The following SLC44A5 variants were observed in gnomAD, a reference collection of about 807,000 sequenced individuals.
SLC44A5 encodes choline transporter-like protein 5.
A neutral mutation model predicts 101.8 loss-of-function variants in SLC44A5; 57 were observed. The observed-to-expected ratio is 0.56, with a 90% CI of 0.45 to 0.70. SLC44A5 has a LOEUF of 0.70. Ranked by LOEUF, SLC44A5 falls within the 30% of genes least tolerant of loss-of-function variation. The pLI is 0.00. For missense variants in SLC44A5, 737 were observed against 853.1 expected (o/e 0.86, Z 1.70); for synonymous variants, 281 against 290.9 (o/e 0.97, Z 0.35).
At chr1:75,592,060 C>T (rs569554876) in intron 1 of SLC44A5, among the ~76,000 whole-genome samples, 17 of 152,168 alleles carry the variant, frequency 1.1e-4, no homozygotes, top group African/African-American at 4.1e-4. Context: ...ATATAAAGGG[C>T]ATCCAAATTG....
intron 2 of SLC44A5, among the ~76,000 whole-genome samples, chr1:75,494,657 C>A (rs1413339362): frequency 6.6e-6 from 1 of 152,114 alleles, no homozygotes; most frequent in South Asian, 2.1e-4. Context: ...TCTCTAGCCA[C>A]CTTTATCTGA....
chr1:75,460,732 T>C (rs917138329), intron 2 of SLC44A5, among the ~76,000 whole-genome samples: 1 of 152,190 alleles, frequency 6.6e-6, no homozygotes, highest in African/African-American at 2.4e-5. Flanking sequence ...TCTCTACTGA[T>C]ATTATTGCTA....
intron 2 of SLC44A5, among the ~76,000 whole-genome samples, chr1:75,477,497 C>A (rs6593576): frequency 1 from 152,243 of 152,286 alleles, 76,100 homozygotes; most frequent in Middle Eastern, 1. Context: ...GAAGTTAAAA[C>A]CTTTGAAAAA....
In SLC44A5 at chr1:75,555,297, A is replaced by G. The variant is rs185631518; in HGVS notation, c.-69-13781T>C. Among the ~76,000 whole-genome samples the G allele has an allele frequency of 8.5e-5, 13 of 152,262 alleles. No homozygotes were observed. In the East Asian group the frequency reaches 2.5e-3, roughly 29 times the overall value. ...TTAGTGCAAGATATTGACTTCAAAG[A>G]TGTAAGAATGAGCTTTTTAGGGAGA... is the stretch of plus-strand genomic sequence containing the variant. On this transcript the variant is annotated intron_variant, in intron 1 of 23. Coordinates refer to ENST00000370859, the MANE Select transcript of SLC44A5 (RefSeq NM_001130058.2).
At chr1:75,404,844 C>T (rs1662739985) in intron 2 of SLC44A5, among the ~76,000 whole-genome samples, 1 of 152,136 alleles carries the variant, frequency 6.6e-6, no homozygotes. Context: ...TCACACATAA[C>T]AATATTAACC....
chr1:75,278,051 T>TC (rs1652077776), intron 5 of SLC44A5, among the ~76,000 whole-genome samples: 1 of 152,146 alleles, frequency 6.6e-6, no homozygotes. Flanking sequence ...AACTATGCTG[T>TC]CCAATATGGT....
At chr1:75,475,449 T>G (rs1667330679) in intron 2 of SLC44A5, among the ~76,000 whole-genome samples, 1 of 152,254 alleles carries the variant, frequency 6.6e-6, no homozygotes, top group Non-Finnish European at 1.5e-5. Flanking sequence ...GTATTATTTC[T>G]CTGATTACTC....
chr1:75,297,647 A>C, intron 5 of SLC44A5, among the ~76,000 whole-genome samples: 1 of 152,234 alleles, frequency 6.6e-6, no homozygotes, highest in East Asian at 1.9e-4. Context: ...TAATGATAGC[A>C]ATAAGTATAG....
At chr1:75,294,697 TTAAAAA>T in intron 5 of SLC44A5, among the ~76,000 whole-genome samples, 1 of 152,256 alleles carries the variant, frequency 6.6e-6, no homozygotes, top group South Asian at 2.1e-4. Context: ...TTTTCAAGCC[TTAAAAA>T]AGAAGAAAAT....
chr1:75,312,839 G>T (rs1225937655), intron 4 of SLC44A5, among the ~76,000 whole-genome samples: 1 of 152,004 alleles, frequency 6.6e-6, no homozygotes, highest in Non-Finnish European at 1.5e-5. Flanking sequence ...ATATGTTAAA[G>T]GACTTGACAG....
chr1:75,671,525 A>T, the SLC44A5 span, among the ~76,000 whole-genome samples: 1 of 152,218 alleles, frequency 6.6e-6, no homozygotes, highest in African/African-American at 2.4e-5. Flanking sequence ...AAAAGCAGAA[A>T]ATCATAAAAC....
the SLC44A5 span, among the ~76,000 whole-genome samples, chr1:75,671,049 AG>A: frequency 6.6e-6 from 1 of 152,216 alleles, no homozygotes; most frequent in Non-Finnish European, 1.5e-5. Context: ...GTAAGGAGAA[AG>A]CATGGACCAA....
the SLC44A5 span, among the ~76,000 whole-genome samples, chr1:75,700,952 A>G: frequency 3.9e-5 from 6 of 152,208 alleles, no homozygotes; most frequent in Admixed American, 6.5e-5. Flanking sequence ...CCAAGACTAA[A>G]CCAGGAAGAA....
At chr1:75,400,721 T>G (rs1169867414) in intron 2 of SLC44A5, among the ~76,000 whole-genome samples, 3 of 152,190 alleles carry the variant, frequency 2.0e-5, no homozygotes, top group Non-Finnish European at 2.9e-5. Flanking sequence ...CTGCTTGGCT[T>G]TGGCCTGAGG....
At position 75,581,041 on chromosome 1, in the gene SLC44A5, A is replaced by T. The variant is rs541964529; in HGVS notation, c.-70+29999T>A. On this transcript the variant is annotated intron_variant, in intron 1 of 23. Coordinates refer to ENST00000370859, the MANE Select transcript of SLC44A5 (RefSeq NM_001130058.2). ...ATAAACACAAGTCAGAAAGTCAGAAATATCTTAAGGCAATAAAATTTTTAA... is the reference window on the plus strand; with the variant it reads ...ATAAACACAAGTCAGAAAGTCAGAATTATCTTAAGGCAATAAAATTTTTAA... Among the ~76,000 whole-genome samples the T allele has an allele frequency of 1.2e-4, 19 of 152,258 alleles. No homozygotes were observed. The South Asian group carries it at 1.5e-3, about 12-fold the overall frequency.
Position 75,453,505 on chromosome 1 carries a change from A to C in SLC44A5, c.14-56884T>G, listed in dbSNP as rs1214793099. Among the ~76,000 whole-genome samples the C allele has an allele frequency of 3.3e-5, 5 of 152,166 alleles. No homozygotes were observed. In the East Asian group the frequency reaches 7.7e-4, roughly 23 times the overall value. ...AAAAACAAGAACAAATTAACCCCAA[A>C]CCTAACGGAAGAAAAGAAATAACTA... On this transcript the variant is annotated intron_variant, in intron 2 of 23. Transcript: ENST00000370859.
chr1:75,541,525 A>G lies in SLC44A5; in HGVS notation c.-69-9T>C. The G allele has an allele frequency of 6.3e-7, 1 of 1,587,696 alleles. No homozygotes were observed. The highest frequency in any genetic ancestry group is 8.6e-7 in the Non-Finnish European group (1 of 1,168,098). On this transcript the variant is annotated splice_polypyrimidine_tract_variant and intron_variant, in intron 1 of 23. Coordinates refer to ENST00000370859, the MANE Select transcript of SLC44A5 (RefSeq NM_001130058.2). ...GTTGCTTAGAAAAGAGTCTGTGATAAAAACAAGTATGAAGATAGTTACCTA... is the reference window on the plus strand; with the variant it reads ...GTTGCTTAGAAAAGAGTCTGTGATAGAAACAAGTATGAAGATAGTTACCTA...
At chr1:75,514,404 G>T (rs1438855061) in intron 2 of SLC44A5, among the ~76,000 whole-genome samples, 3 of 152,120 alleles carry the variant, frequency 2.0e-5, no homozygotes, top group Admixed American at 6.5e-5. Context: ...AGTCAGTGCG[G>T]TCATCATGTG....
chr1:75,386,753 G>T (rs4606268), intron 3 of SLC44A5, among the ~76,000 whole-genome samples: 93,555 of 149,362 alleles, frequency 0.63, 30,837 homozygotes, highest in East Asian at 0.96. Context: ...CATCGCCAAG[G>T]CAATCCTAAG....
Sources: allele counts gnomAD v4.1 joint callset (sites outside exome capture counted in the v4.1 genomes callset), GRCh38; gene constraint gnomAD v4.1.1; transcripts MANE v1.5; gene names NCBI Gene and HGNC (gene_info 2026-07-23, HGNC 2026-07-21).